The following PLXDC1 variants were observed in gnomAD, a reference collection of about 807,000 sequenced individuals.
PLXDC1 encodes plexin domain containing 1, also known as plexin domain-containing protein 1.
A neutral mutation model predicts 61.3 loss-of-function variants in PLXDC1; 39 were observed. The ratio of observed to expected loss-of-function variants is 0.64; its 90% confidence interval spans 0.49 to 0.83. The LOEUF is 0.83. Among genes scored for constraint, PLXDC1 ranks in the 40% least tolerant of loss-of-function variants. The pLI is 0.00. For synonymous variants in PLXDC1, 212 were observed against 254.5 expected, an observed-to-expected ratio of 0.83 and a Z score of 1.59; for missense variants, 596 against 666.5, an observed-to-expected ratio of 0.89 and a Z score of 1.17.
chr17:39,124,472 A>C (rs1911258732), intron 2 of PLXDC1, among the ~76,000 whole-genome samples: 1 of 152,234 alleles, frequency 6.6e-6, no homozygotes, highest in African/African-American at 2.4e-5. Context: ...GCACATCTGT[A>C]GTCCCAGCTA....
At chr17:39,101,834 G>C (rs566261333) in intron 7 of PLXDC1, among the ~76,000 whole-genome samples, 29 of 152,262 alleles carry the variant, frequency 1.9e-4, no homozygotes, top group African/African-American at 7.0e-4. Context: ...CATCTCCCTC[G>C]ATATCATGCA....
intron 2 of PLXDC1, among the ~76,000 whole-genome samples, chr17:39,129,235 T>G (rs1375218700): frequency 6.6e-6 from 1 of 151,420 alleles, no homozygotes; most frequent in Non-Finnish European, 1.5e-5. Context: ...CAAGAATTGC[T>G]TGAACCCAGG....
chr17:39,101,229 A>C (rs1019184900), intron 7 of PLXDC1, among the ~76,000 whole-genome samples: 1 of 152,240 alleles, frequency 6.6e-6, no homozygotes, highest in African/African-American at 2.4e-5. Flanking sequence ...GAGGCACTGA[A>C]ATATCAGAAA....
At chr17:39,087,793 T>C in intron 7 of PLXDC1, 91 bp from the exon 8 acceptor site, 3 of 868,198 alleles carry the variant, frequency 3.5e-6, no homozygotes, top group Non-Finnish European at 3.7e-6. Context: ...GTCAGCCTGC[T>C]GCACTGAAGG....
At position 39,107,522 on chromosome 17, in the gene PLXDC1, G is replaced by A. The variant is rs764508356; in HGVS notation, c.596C>T (p.Thr199Ile). The A allele has an allele frequency of 1.2e-6, 2 of 1,608,692 alleles. No individual in the cohort carries two copies. Among genetic ancestry groups the A allele is most frequent in the Non-Finnish European group, 1.7e-6 (2 of 1,174,954 alleles). Residue 199 changes from threonine to isoleucine, a missense_variant, in exon 6 of 14, where the codon ACA becomes ATA. Thr to Ile is a moderately conservative substitution (Grantham distance 89). Coordinates refer to ENST00000315392, the MANE Select transcript of PLXDC1 (RefSeq NM_020405.5). ...NSTVVYFDNG[T>I]VFVVQWDHVY... ...GTGGTCCCACTGAACCACAAAGACT[G>A]TCCCTGGGGAGAAGAACAGAGACCC...
intron 9 of PLXDC1, chr17:39,081,456 A>C (rs954913791): frequency 8.3e-5 from 13 of 156,092 alleles, no homozygotes; most frequent in Admixed American, 4.6e-4. Flanking sequence ...TCTACTAAAA[A>C]AAAAAAAAAA....
At chr17:39,116,993 T>C (rs966380709) in intron 2 of PLXDC1, among the ~76,000 whole-genome samples, 2 of 152,216 alleles carry the variant, frequency 1.3e-5, no homozygotes, top group Non-Finnish European at 2.9e-5. Context: ...GAACTGGGGA[T>C]CATGGCTCCG....
intron 11 of PLXDC1, among the ~76,000 whole-genome samples, chr17:39,077,041 T>C (rs1331318483): frequency 6.6e-6 from 1 of 152,066 alleles, no homozygotes; most frequent in Non-Finnish European, 1.5e-5. Flanking sequence ...CCAATTTTTA[T>C]ATTTTTAGTG....
chr17:39,097,038 C>T lies in PLXDC1; in HGVS notation c.811+8816G>A, dbSNP rs8066109. The T allele has an allele frequency of 1.1e-3, 521 of 470,922 alleles. 2 individuals carry two copies. The highest frequency in any genetic ancestry group is 9.7e-3 in the African/African-American group (488 of 50,174). The allele number at this position is 470,922 out of a possible 1,614,324, so 29.2% of individuals were successfully genotyped here. On this transcript the variant is annotated intron_variant, in intron 7 of 13. Transcript: ENST00000315392. ...CTTGTGGTTTTCAGCCTCTTCTACC[C>T]TCTCCCCCAGGAGTGAGGCTGTGAG...
chr17:39,107,555 C>T (rs537806281), intron 5 of PLXDC1, 30 bp from the exon 6 acceptor site: 19 of 1,501,256 alleles, frequency 1.3e-5, no homozygotes, highest in South Asian at 4.5e-5. Context: ...CCCGGCTGGA[C>T]GGGAGATCAT....
At chr17:39,120,135 C>A (rs1911112579) in intron 2 of PLXDC1, among the ~76,000 whole-genome samples, 1 of 152,290 alleles carries the variant, frequency 6.6e-6, no homozygotes, top group East Asian at 1.9e-4. Context: ...CCCTGCAGGC[C>A]ACTCTGACCC....
chr17:39,102,592 A>G (rs1418127805), intron 7 of PLXDC1, among the ~76,000 whole-genome samples: 2 of 152,178 alleles, frequency 1.3e-5, no homozygotes, highest in Non-Finnish European at 2.9e-5. Flanking sequence ...GGAATGGACT[A>G]TCAGGCAGCC....
intron 7 of PLXDC1, among the ~76,000 whole-genome samples, chr17:39,092,769 G>T (rs1910004886): frequency 6.6e-6 from 1 of 152,208 alleles, no homozygotes; most frequent in Non-Finnish European, 1.5e-5. Flanking sequence ...GCTCCAGAAA[G>T]TCACCAAAGT....
At chr17:39,134,754 G>A (rs748968626) in intron 2 of PLXDC1, among the ~76,000 whole-genome samples, 2 of 152,090 alleles carry the variant, frequency 1.3e-5, no homozygotes, top group African/African-American at 4.8e-5. Flanking sequence ...AGGGACAAGA[G>A]TGCAAGCCTC....
chr17:39,097,679 C>A (rs1910256213), intron 7 of PLXDC1, among the ~76,000 whole-genome samples: 2 of 151,180 alleles, frequency 1.3e-5, no homozygotes, highest in African/African-American at 4.9e-5. Flanking sequence ...CGTAAGAATT[C>A]AATACCACCC....
chr17:39,126,741 A>G (rs548843172), intron 2 of PLXDC1, among the ~76,000 whole-genome samples: 53 of 152,346 alleles, frequency 3.5e-4, no homozygotes, highest in African/African-American at 1.2e-3. Context: ...TAAAGTGCAC[A>G]TCTTTGATAT....
chr17:39,069,014 G>A (rs943237830), intron 13 of PLXDC1, among the ~76,000 whole-genome samples: 1 of 152,328 alleles, frequency 6.6e-6, no homozygotes, highest in East Asian at 1.9e-4. Context: ...TGCCCCTCAG[G>A]CTGGCTCTTC....
At chr17:39,088,238 T>A (rs995464882) in intron 7 of PLXDC1, among the ~76,000 whole-genome samples, 1 of 152,200 alleles carries the variant, frequency 6.6e-6, no homozygotes, top group African/African-American at 2.4e-5. Flanking sequence ...GCTCTGTGAA[T>A]GTCTGCAGAT....
chr17:39,134,495 A>G (rs1911672085), intron 2 of PLXDC1, among the ~76,000 whole-genome samples: 1 of 151,750 alleles, frequency 6.6e-6, no homozygotes, highest in Non-Finnish European at 1.5e-5. Flanking sequence ...GCTTGGTAGC[A>G]TGTGCCTGTA....
Sources: gnomAD v4.1 joint callset for allele counts (sites outside exome capture counted in the v4.1 genomes callset) on GRCh38, gnomAD v4.1.1 for gene constraint, MANE v1.5 for transcripts, NCBI Gene and HGNC (gene_info 2026-07-23, HGNC 2026-07-21) for gene names.